Variants in UVSSA observed in about 807,000 individuals in gnomAD.
UVSSA encodes the protein UV-stimulated scaffold protein A.
Under a neutral mutation model 73.9 loss-of-function variants are expected in UVSSA, and 72 were observed. The observed-to-expected ratio is 0.97, with a 90% CI of 0.81 to 1.19. The LOEUF (loss-of-function observed/expected upper bound fraction) is 1.19. Among genes scored for constraint, UVSSA ranks in the 50% most tolerant of loss-of-function variants. The pLI is 0.00. For synonymous variants in UVSSA, 454 were observed against 391.3 expected (o/e 1.16, Z -1.89); for missense variants, 1,150 against 965.0 (o/e 1.19, Z -2.54).
chr4:1,368,492 A>G (rs1378199041), intron 8 of UVSSA, among the ~76,000 whole-genome samples: 1 of 152,254 alleles, frequency 6.6e-6, no homozygotes, highest in African/African-American at 2.4e-5. Context: ...CAACGGTGAC[A>G]GCGCTCACTC....
At chr4:1,345,683 G>A (rs546273518), upstream of UVSSA, among the ~76,000 whole-genome samples, 2 of 148,548 alleles carry the variant, frequency 1.3e-5, no homozygotes, top group South Asian at 4.2e-4. Flanking sequence ...AAGGCTGCAG[G>A]GCCATCAGCG....
At chr4:1,353,437 G>A in intron 5 of UVSSA, 24 bp downstream of exon 5, 1 of 1,458,468 alleles carries the variant, frequency 6.9e-7, no homozygotes, top group Non-Finnish European at 9.1e-7. Flanking sequence ...CGGGGTCTCT[G>A]TGGCGCCACC....
chr4:1,345,353 A>G (rs1205412587), upstream of UVSSA, among the ~76,000 whole-genome samples: 2 of 147,552 alleles, frequency 1.4e-5, no homozygotes, highest in African/African-American at 5.4e-5. Flanking sequence ...GGGCAGGCCC[A>G]GGCACGGTGG....
chr4:1,371,269 TG>T (rs1718003400), intron 8 of UVSSA, among the ~76,000 whole-genome samples: 3 of 147,084 alleles, frequency 2.0e-5, no homozygotes, highest in African/African-American at 8.1e-5. Context: ...TGTGTGTGTG[TG>T]TGTGTGTGTG....
chr4:1,389,183 T>C (rs1171161954), downstream of UVSSA: 1 of 152,176 alleles, frequency 6.6e-6, no homozygotes, highest in Admixed American at 6.5e-5. Flanking sequence ...TCATATATAA[T>C]GGTTCATAGC....
intron 7 of UVSSA, chr4:1,366,112 C>G (rs1054910787): frequency 2.1e-6 from 1 of 474,928 alleles, no homozygotes; most frequent in Non-Finnish European, 3.8e-6. Context: ...GCCCCCAGCA[C>G]AGGGGCAGTG....
chr4:1,366,642 C>G (rs80038607), intron 8 of UVSSA, among the ~76,000 whole-genome samples: 1 of 152,204 alleles, frequency 6.6e-6, no homozygotes, highest in Non-Finnish European at 1.5e-5. Context: ...CTGGCTCCGT[C>G]TCGGGTTCTC....
Position 1,375,395 on chromosome 4 carries a change from T to G in UVSSA, c.1320T>G (p.Val440=). The change falls in exon 9 of 14, where the codon GTT becomes GTG. Residue 440 remains valine, a synonymous_variant. Transcript: ENST00000389851. ...GLEAAPEKDT[V]VRCLRTRTRM... ...AGGCAGCACCAGAGAAAGACACAGT[T>G]GTGCGGTGCTTGCGGACGAGGACGA... 6.2e-7 allele frequency: 1 copy of G among 1,613,622 alleles called. No individual in the cohort carries two copies. The highest frequency in any genetic ancestry group is 1.1e-5 in the South Asian group (1 of 91,084).
Position 1,395,470 on chromosome 4 carries a change from C to T in UVSSA, c.*9509C>T, listed in dbSNP as rs146986910. 86 of 1,580,500 alleles carry T rather than the reference C, an allele frequency of 5.4e-5. No homozygotes were observed. Among genetic ancestry groups the T allele is most frequent in the South Asian group, 1.0e-4 (9 of 90,106 alleles). On this transcript the variant is annotated 3_prime_UTR_variant, in exon 14 of 14. Coordinates refer to the UVSSA transcript ENST00000511216. ...TGCTCACGTGCCCATATGGAGTGCCCGCCTGCTCACACGTGCCATTGTGGA... is the reference window on the plus strand; with the variant it reads ...TGCTCACGTGCCCATATGGAGTGCCTGCCTGCTCACACGTGCCATTGTGGA...
chr4:1,380,646 C>A, intron 11 of UVSSA: 2 of 1,525,464 alleles, frequency 1.3e-6, no homozygotes, highest in Non-Finnish European at 1.8e-6. Context: ...CCTAGACTTT[C>A]CACAGCTGCC....
chr4:1,351,643 C>T, intron 3 of UVSSA, 72 bp from the exon 4 acceptor site: 4 of 1,519,500 alleles, frequency 2.6e-6, no homozygotes, highest in Non-Finnish European at 3.6e-6. Flanking sequence ...CCTGCCTCAG[C>T]CTCCCAAAGT....
Position 1,353,369 on chromosome 4 carries a change from G to A in UVSSA, c.890G>A (p.Gly297Glu). The A allele has an allele frequency of 6.2e-7, 1 of 1,603,794 alleles. No homozygotes were observed. Among genetic ancestry groups the A allele is most frequent in the Non-Finnish European group, 8.5e-7 (1 of 1,175,756 alleles). Residue 297 changes from glycine to glutamate, a missense_variant, in exon 5 of 14, where the codon GGG (glycine) becomes GAG (glutamate). Gly to Glu is a moderately conservative substitution (Grantham distance 98). Coordinates refer to ENST00000389851, the MANE Select transcript of UVSSA (RefSeq NM_020894.4). ...SDLEEFVRSH[G>E]LGSHKYTLDV... ...CTCGAGGAGTTTGTGCGGAGCCACG[G>A]GCTGGGCTCGCACAAGTACACGCTG...
intron 8 of UVSSA, among the ~76,000 whole-genome samples, chr4:1,373,977 G>A (rs1050970748): frequency 6.6e-6 from 1 of 152,318 alleles, no homozygotes; most frequent in Admixed American, 6.5e-5. Context: ...CCTGGGGAGC[G>A]TGGCATGGGC....
At position 1,383,847 on chromosome 4, in the gene UVSSA, G is replaced by T; in HGVS notation, c.1943G>T (p.Gly648Val). The change falls in exon 13 of 14, where the codon GGC becomes GTC. Residue 648 changes from glycine to valine, a missense_variant. Coordinates refer to ENST00000389851, the MANE Select transcript of UVSSA (RefSeq NM_020894.4). ...DLGSSRYSGK[G>V]RGKKRRYPSL... Reference sequence around the variant, plus strand: ...GGCTCATCCAGGTACAGCGGGAAAGGCAGGGGGAAGAAGAGGAGGTACCCC... The same window carrying T: ...GGCTCATCCAGGTACAGCGGGAAAGTCAGGGGGAAGAAGAGGAGGTACCCC... The T allele has an allele frequency of 6.2e-7, 1 of 1,613,608 alleles. No homozygotes were observed. Among genetic ancestry groups the T allele is most frequent in the Non-Finnish European group, 8.5e-7 (1 of 1,180,012 alleles).
Position 1,380,127 on chromosome 4 carries a change from G to A in UVSSA, c.1649G>A (p.Arg550Gln), listed in dbSNP as rs374515733. ...VVNADISEML[R>Q]SRHITFAGKF... ...AATGCCGACATCTCCGAGATGCTCC[G>A]GAGCCGCCACATCACTTTTGCCGGG... Residue 550 changes from arginine to glutamine, a missense_variant, in exon 11 of 14, where the codon CGG becomes CAG. Transcript: ENST00000389851. 3.3e-5 allele frequency: 54 copies of A among 1,612,918 alleles called. No homozygotes were observed. The Admixed American group carries it at 6.0e-4, about 18-fold the overall frequency.
intron 8 of UVSSA, among the ~76,000 whole-genome samples, chr4:1,367,659 C>T (rs552786584): frequency 2.0e-5 from 3 of 152,206 alleles, no homozygotes; most frequent in South Asian, 2.1e-4. Context: ...TGGAGCCAGC[C>T]GGGACCTCGC....
At chr4:1,391,448 G>A (rs934184206), downstream of UVSSA, 1 of 152,128 alleles carries the variant, frequency 6.6e-6, no homozygotes, top group African/African-American at 2.4e-5. Context: ...AGTTTTGTCA[G>A]CTTTTGTTTC....
At chr4:1,382,880 A>G (rs1288113335) in intron 12 of UVSSA, among the ~76,000 whole-genome samples, 2 of 152,176 alleles carry the variant, frequency 1.3e-5, no homozygotes, top group African/African-American at 4.8e-5. Flanking sequence ...GTGCCTCTGT[A>G]GCATTGGTGC....
chr4:1,356,203 T>C (rs896680405), intron 7 of UVSSA, among the ~76,000 whole-genome samples: 3 of 151,758 alleles, frequency 2.0e-5, no homozygotes, highest in Non-Finnish European at 4.4e-5. Flanking sequence ...AGGAAAGCTT[T>C]GGGGTGGAAG....
Sources: allele counts gnomAD v4.1 joint callset (sites outside exome capture counted in the v4.1 genomes callset), GRCh38; gene constraint gnomAD v4.1.1; transcripts MANE v1.5; gene names NCBI Gene and HGNC (gene_info 2026-07-23, HGNC 2026-07-21).